The following RIPOR1 variants were observed in gnomAD, a reference collection of about 807,000 sequenced individuals.
The protein encoded by RIPOR1 is RHO family interacting cell polarization regulator 1.
RIPOR1 carries 58 observed loss-of-function variants against 116.5 expected under a neutral mutation model. That is an observed-to-expected ratio of 0.50 (90% CI 0.40 to 0.62). The LOEUF is 0.62. RIPOR1 is among the 20% of genes least tolerant of loss of function. The pLI is 0.00. For missense variants in RIPOR1, 1,372 were observed against 1,586.2 expected (o/e 0.86, Z 2.29); for synonymous variants, 605 against 650.0 (o/e 0.93, Z 1.05).
At chr16:67,523,032 G>A (rs2050507898) in intron 1 of RIPOR1, among the ~76,000 whole-genome samples, 1 of 152,132 alleles carries the variant, frequency 6.6e-6, no homozygotes, top group African/African-American at 2.4e-5. Flanking sequence ...TTGTTTATAT[G>A]TTAACTCATT....
Position 67,537,804 on chromosome 16 carries a change from C to A in RIPOR1, c.-23-620C>A, listed in dbSNP as rs940452964. Among the ~76,000 whole-genome samples the A allele has an allele frequency of 6.6e-6, 1 of 151,976 alleles. No individual in the cohort carries two copies. ...AAAGAGGAGGGGGCGGGGCCCTTCT[C>A]GGCATCGCGCCCAGCTCTGGGAATC... On this transcript the variant is annotated intron_variant, in intron 1 of 21. Transcript: ENST00000042381. This position sits in a 1 kb window ranked among gnomAD's most constrained non-coding sequence, Gnocchi z 4.6.
intron 1 of RIPOR1, among the ~76,000 whole-genome samples, chr16:67,522,091 G>A (rs1302578913): frequency 1.3e-5 from 2 of 151,356 alleles, no homozygotes; most frequent in Admixed American, 1.3e-4. Flanking sequence ...GCAGTGGTGC[G>A]ATCTCAGCTC....
rs150925865 is a variant in RIPOR1, at chr16:67,521,562, G to C, written c.-24+2949G>C. On this transcript the variant is annotated intron_variant, in intron 1 of 1. Coordinates refer to the RIPOR1 transcript ENST00000562116. ...GACGTCCCTCCCACTTGTCCCTTAG[G>C]AGAAAGGAGTCAGGAAGGAAGGAAG... Among the ~76,000 whole-genome samples, 173 of 152,316 alleles carry C rather than the reference G, an allele frequency of 1.1e-3. 1 individual carries two copies. Among genetic ancestry groups the C allele is most frequent in the African/African-American group, 3.6e-3 (149 of 41,562 alleles).
chr16:67,545,499 C>A lies in RIPOR1; in HGVS notation c.3155C>A (p.Thr1052Asn). The A allele has an allele frequency of 6.2e-7, 1 of 1,614,060 alleles. No homozygotes were observed. Among genetic ancestry groups the A allele is most frequent in the South Asian group, 1.1e-5 (1 of 91,092 alleles). ...WSFVETLDSP[T>N]MEAYVTETAE... ...TTTGTGGAAACCTTGGACAGCCCCA[C>A]CATGGAGGCCTACGTGACTGAGACC... The change falls in exon 18 of 22, where the codon ACC (threonine) becomes AAC (asparagine). Residue 1052 changes from threonine (T) to asparagine (N), a missense_variant. Thr to Asn is a moderately conservative substitution (Grantham distance 65). Around this residue, in one of 3 missense-constraint regions of RIPOR1, gnomAD observed 1,005 missense variants for 1,144.7 expected, o/e 0.88. Coordinates refer to ENST00000042381, the MANE Select transcript of RIPOR1 (RefSeq NM_024519.4). The surrounding 1 kb of genome is among the most constrained non-coding windows in gnomAD (Gnocchi z 4.8).
chr16:67,527,981 A>G (rs2050560894), upstream of RIPOR1, among the ~76,000 whole-genome samples: 1 of 151,966 alleles, frequency 6.6e-6, no homozygotes, highest in South Asian at 2.1e-4. Flanking sequence ...CCCTGAAACC[A>G]TTCCTGGGTA....
chr16:67,528,366 G>A (rs987507743), upstream of RIPOR1: 8 of 152,320 alleles, frequency 5.3e-5, no homozygotes, highest in Non-Finnish European at 1.2e-4. Flanking sequence ...CGACGCTGAG[G>A]CTGGCTGAAA....
chr16:67,539,043 G>C lies in RIPOR1; in HGVS notation c.311G>C (p.Arg104Thr). 6.2e-7 allele frequency: 1 copy of C among 1,613,370 alleles called. No homozygotes were observed. The highest frequency in any genetic ancestry group is 8.5e-7 in the Non-Finnish European group (1 of 1,179,810). Residue 104 changes from arginine (R) to threonine (T), a missense_variant, in exon 4 of 22, where the codon AGG becomes ACG. Physicochemically the swap from Arg to Thr is moderately conservative, Grantham distance 71. Around this residue, in one of 3 missense-constraint regions of RIPOR1, gnomAD observed 165 missense variants for 145.5 expected, o/e 1.13. Coordinates refer to ENST00000042381, the MANE Select transcript of RIPOR1 (RefSeq NM_024519.4). ...QEQEKLQGQIRESKRNSRLGF... is the reference protein window; with the variant it reads ...QEQEKLQGQITESKRNSRLGF... Reference sequence around the variant, plus strand: ...CAAGAGAAACTCCAGGGGCAGATAAGGGAGTCCAAGAGGAATTCCCGCTTG... The same window carrying C: ...CAAGAGAAACTCCAGGGGCAGATAACGGAGTCCAAGAGGAATTCCCGCTTG...
chr16:67,542,201 G>A lies in RIPOR1; in HGVS notation c.1415G>A (p.Ser472Asn), dbSNP rs141527810. Residue 472 changes from serine (S) to asparagine (N), a missense_variant, in exon 13 of 22, where the codon AGC becomes AAC. Physicochemically the swap from Ser to Asn is conservative, Grantham distance 46 (BLOSUM62 1). Around this residue, in one of 3 missense-constraint regions of RIPOR1, gnomAD observed 1,005 missense variants for 1,144.7 expected, o/e 0.88. Transcript: ENST00000042381. The surrounding 1 kb of genome is among the most constrained non-coding windows in gnomAD (Gnocchi z 4.6). ...EASVEAVGPESLAWGPSPPTH... is the reference protein window; with the variant it reads ...EASVEAVGPENLAWGPSPPTH... ...TCAGTGGAGGCCGTTGGCCCAGAAA[G>A]CCTAGCCTGGGGACCTAGCCCACCT... 284 of 1,613,706 alleles carry A rather than the reference G, an allele frequency of 1.8e-4. 1 individual carries two copies. Among genetic ancestry groups the A allele is most frequent in the Non-Finnish European group, 2.3e-4 (273 of 1,179,824 alleles).
chr16:67,546,472 C>T lies in RIPOR1; in HGVS notation c.*9C>T, dbSNP rs762377377. ...CCAGCACAGCATTCTAAACTATTCA[C>T]CCATGGGTTCCTGGTGCCCCTTTCC... On this transcript the variant is annotated 3_prime_UTR_variant, in exon 22 of 22. Transcript: ENST00000042381. 22 of 1,608,624 alleles carry T rather than the reference C, an allele frequency of 1.4e-5. No individual in the cohort carries two copies. In the South Asian group the frequency reaches 1.6e-4, roughly 12 times the overall value.
At chr16:67,534,766 T>C (rs933509986) in intron 1 of RIPOR1, among the ~76,000 whole-genome samples, 2 of 152,166 alleles carry the variant, frequency 1.3e-5, no homozygotes, top group African/African-American at 4.8e-5. Context: ...TTTTTCATTC[T>C]TTTTGCTATG....
chr16:67,546,549 C>CA lies in RIPOR1; in HGVS notation c.*87dup. On this transcript the variant is annotated 3_prime_UTR_variant, in exon 22 of 22. Transcript: ENST00000042381. ...TGGCAGGGAGGGTAAGGGCTGGCTC[C>CA]AGATACCCCTCCCCCACAGATTCCT... The CA allele has an allele frequency of 1.0e-6, 1 of 999,126 alleles. No homozygotes were observed. Among genetic ancestry groups the CA allele is most frequent in the South Asian group, 1.4e-5 (1 of 72,016 alleles). The allele number at this position is 999,126 out of a possible 1,614,324, so 61.9% of individuals were successfully genotyped here. A position where few individuals can be genotyped will look rare whatever the true frequency, so the allele number is the denominator to read the frequency against.
intron 6 of RIPOR1, 29 bp downstream of exon 6, chr16:67,539,928 G>A: frequency 1.9e-6 from 3 of 1,614,146 alleles, no homozygotes; most frequent in Non-Finnish European, 2.5e-6. Flanking sequence ...TGCAGAGTGG[G>A]GTGGGGGGTT....
In RIPOR1 at chr16:67,530,100, A is replaced by G; in HGVS notation, c.-24+1186A>G. 1.7e-6 allele frequency: 1 copy of G among 586,354 alleles called. No homozygotes were observed. Among genetic ancestry groups the G allele is most frequent in the Non-Finnish European group, 3.1e-6 (1 of 325,864 alleles). 36.3% of individuals were successfully genotyped at this position (586,354 alleles called of 1,614,324 possible). On this transcript the variant is annotated intron_variant, in intron 1 of 21. Coordinates refer to ENST00000042381, the MANE Select transcript of RIPOR1 (RefSeq NM_024519.4). This position sits in a 1 kb window ranked among gnomAD's most constrained non-coding sequence, Gnocchi z 4.5. Reference sequence around the variant, plus strand: ...AGAGAGGAGCAAGGTGAGCCGCCCCAGGGGTCTGGGTTTGGGTGCGGGTGA... The same window carrying G: ...AGAGAGGAGCAAGGTGAGCCGCCCCGGGGGTCTGGGTTTGGGTGCGGGTGA...
In RIPOR1 at chr16:67,538,486, A is replaced by C; in HGVS notation, c.40A>C (p.Ser14Arg). 6.2e-7 allele frequency: 1 copy of C among 1,611,404 alleles called. No homozygotes were observed. The highest frequency in any genetic ancestry group is 8.5e-7 in the Non-Finnish European group (1 of 1,179,228). The change falls in exon 2 of 22, where the codon AGC becomes CGC. Residue 14 changes from serine to arginine, a missense_variant. Around this residue, in one of 3 missense-constraint regions of RIPOR1, gnomAD observed 165 missense variants for 145.5 expected, o/e 1.13. Transcript: ENST00000042381. ...GGTGCGGCCGCAGCGCCGTCTGCTC[A>C]GCGCCCGGGTCAATAGGAGCCAGTC... is the stretch of plus-strand genomic sequence containing the variant. ...LSVRPQRRLLSARVNRSQSFA... is the reference protein window; with the variant it reads ...LSVRPQRRLLRARVNRSQSFA...
At chr16:67,532,195 G>A (rs548096413) in intron 1 of RIPOR1, among the ~76,000 whole-genome samples, 52 of 151,962 alleles carry the variant, frequency 3.4e-4, no homozygotes, top group African/African-American at 1.2e-3. Flanking sequence ...CACCGCACCC[G>A]GCCGTGTGAC....
rs573606224 is a variant in RIPOR1 at position 67,540,341 on chromosome 16, C to T, written c.609C>T (p.Gly203=). ...LLESELEAQL[G]EFHLRMKGLA... Reference sequence around the variant, plus strand: ...AGAGCGAGCTGGAGGCACAGCTGGGCGAGTTTCATCTCCGAATGAAAGGTA... The same window carrying T: ...AGAGCGAGCTGGAGGCACAGCTGGGTGAGTTTCATCTCCGAATGAAAGGTA... Residue 203 remains glycine (G), a synonymous_variant, in exon 8 of 22, where the codon GGC becomes GGT. Coordinates refer to ENST00000042381, the MANE Select transcript of RIPOR1 (RefSeq NM_024519.4). This position sits in a 1 kb window ranked among gnomAD's most constrained non-coding sequence, Gnocchi z 4.7. 6 of 1,613,946 alleles carry T rather than the reference C, an allele frequency of 3.7e-6. No individual in the cohort carries two copies. Among genetic ancestry groups the T allele is most frequent in the East Asian group, 2.2e-5 (1 of 44,870 alleles).
Position 67,541,510 on chromosome 16 carries a change from GC to G in RIPOR1, c.886del (p.Gln296ArgfsTer153). ...AGACCAAGGACCTGTTTGCCGCCCT[GC>G]CCCAGGTTGTGGCTGTGGATATCAA... ...CETKDLFAALPQVVAVDINDL... is the reference protein window; with the variant it reads ...CETKDLFAALXQVVAVDINDL... On this transcript the variant is annotated frameshift_variant, in exon 11 of 22. Coordinates refer to ENST00000042381, the MANE Select transcript of RIPOR1 (RefSeq NM_024519.4). LOFTEE classifies it high-confidence loss of function. The surrounding 1 kb of genome is among the most constrained non-coding windows in gnomAD (Gnocchi z 4.6). The G allele has an allele frequency of 6.2e-7, 1 of 1,614,116 alleles. No homozygotes were observed. The highest frequency in any genetic ancestry group is 8.5e-7 in the Non-Finnish European group (1 of 1,179,996).
chr16:67,537,638 C>G lies in RIPOR1; in HGVS notation c.-23-786C>G. ...GGGCTGCGAAAGCTCAGGGACTGGC[C>G]CCAGGGGAAGCAGGCCGGGTTTGGG... On this transcript the variant is annotated intron_variant, in intron 1 of 21. Coordinates refer to ENST00000042381, the MANE Select transcript of RIPOR1 (RefSeq NM_024519.4). This position sits in a 1 kb window ranked among gnomAD's most constrained non-coding sequence, Gnocchi z 4.6. The G allele has an allele frequency of 7.5e-7, 1 of 1,326,864 alleles. No individual in the cohort carries two copies. Among genetic ancestry groups the G allele is most frequent in the Non-Finnish European group, 9.8e-7 (1 of 1,021,762 alleles). 82.2% of individuals were successfully genotyped at this position (1,326,864 alleles called of 1,614,324 possible).
intron 1 of RIPOR1, among the ~76,000 whole-genome samples, chr16:67,532,348 G>A: frequency 6.6e-6 from 1 of 152,040 alleles, no homozygotes; most frequent in Admixed American, 6.6e-5. Context: ...AGGCTGCAGT[G>A]AGCTATGAAC....
Sources: gnomAD v4.1 joint callset for allele counts (sites outside exome capture counted in the v4.1 genomes callset) on GRCh38, gnomAD v4.1.1 for gene constraint, gnomAD v4.1.1 regional missense constraint, Gnocchi (gnomAD v3.1) non-coding constraint, MANE v1.5 for transcripts, NCBI Gene and HGNC (gene_info 2026-07-23, HGNC 2026-07-21) for gene names.